PPP3CA: variants seen among roughly 807,000 people sequenced by gnomAD.
The protein encoded by PPP3CA is protein phosphatase 3 catalytic subunit alpha.
PPP3CA carries 14 observed loss-of-function variants against 66.5 expected under a neutral mutation model. The observed-to-expected ratio is 0.21, with a 90% CI of 0.14 to 0.33. The LOEUF (loss-of-function observed/expected upper bound fraction) is 0.33. Among genes scored for constraint, PPP3CA ranks in the 10% least tolerant of loss-of-function variants. The probability of loss-of-function intolerance (pLI) is 1.00; values close to 1 mark genes in which losing one functional copy is unlikely to be tolerated. For synonymous variants in PPP3CA, 232 were observed against 226.2 expected, an observed-to-expected ratio of 1.03 and a Z score of -0.23; for missense variants, 317 against 639.5, an observed-to-expected ratio of 0.50 and a Z score of 5.44.
intron 9 of PPP3CA, among the ~76,000 whole-genome samples, chr4:101,061,954 A>C (rs1171565751): frequency 6.6e-6 from 1 of 152,052 alleles, no homozygotes; most frequent in Non-Finnish European, 1.5e-5. Context: ...TGCTATTTAA[A>C]AAAATGTCCT....
intron 8 of PPP3CA, among the ~76,000 whole-genome samples, chr4:101,079,418 G>A (rs967208915): frequency 7.1e-5 from 10 of 140,524 alleles, no homozygotes; most frequent in South Asian, 4.5e-4. Flanking sequence ...TCGCTCTGTC[G>A]CCCAGGCTGG....
intron 1 of PPP3CA, among the ~76,000 whole-genome samples, chr4:101,212,240 TG>T (rs1454633073): frequency 1.3e-5 from 2 of 152,112 alleles, no homozygotes; most frequent in Non-Finnish European, 1.5e-5. Context: ...ACCATCTAAT[TG>T]GTCTAACAGG....
intron 1 of PPP3CA, among the ~76,000 whole-genome samples, chr4:101,293,252 T>G (rs2110291253): frequency 1.3e-5 from 2 of 152,294 alleles, no homozygotes; most frequent in South Asian, 4.1e-4. Context: ...TTTACCTGCT[T>G]GCTCAATCAC....
rs1355047758 is a variant in PPP3CA, at chr4:101,029,953, G to A, written c.1340-758C>T. ...TTTTTGGAAGTAAAATTCTTAAAAT[G>A]TTACAAATCAAGTGGTAACGTGCCA... On this transcript the variant is annotated intron_variant, in intron 12 of 13. Transcript: ENST00000394854. 3.9e-5 allele frequency among the ~76,000 whole-genome samples: 6 copies of A among 152,050 alleles called. No homozygotes were observed. In the East Asian group the frequency reaches 5.8e-4, roughly 15 times the overall value.
chr4:101,139,670 A>G (rs1722736457), intron 2 of PPP3CA, among the ~76,000 whole-genome samples: 1 of 150,626 alleles, frequency 6.6e-6, no homozygotes, highest in East Asian at 1.9e-4. Flanking sequence ...CTTCTACCCA[A>G]AGTGACTTTT....
chr4:101,229,288 T>C (rs1225733785), intron 1 of PPP3CA, among the ~76,000 whole-genome samples: 1 of 151,506 alleles, frequency 6.6e-6, no homozygotes, highest in Non-Finnish European at 1.5e-5. Context: ...CCTTGTGGTT[T>C]TGAATGGAAT....
intron 8 of PPP3CA, among the ~76,000 whole-genome samples, chr4:101,072,701 A>G (rs1388150171): frequency 6.6e-6 from 1 of 152,148 alleles, no homozygotes; most frequent in Non-Finnish European, 1.5e-5. Context: ...GGAAATATTT[A>G]TATTTGCTAA....
At chr4:101,317,417 C>T (rs1179439531) in intron 1 of PPP3CA, among the ~76,000 whole-genome samples, 2 of 152,110 alleles carry the variant, frequency 1.3e-5, no homozygotes, top group African/African-American at 4.8e-5. Flanking sequence ...AACGAAGTTC[C>T]TTATCTCCCC....
intron 13 of PPP3CA, 22 bp downstream of exon 13, chr4:101,029,144 G>A: frequency 6.3e-7 from 1 of 1,581,140 alleles, no homozygotes; most frequent in East Asian, 2.2e-5. Flanking sequence ...AGGTACAACA[G>A]AAAGGGGACT....
intron 3 of PPP3CA, among the ~76,000 whole-genome samples, chr4:101,108,521 T>C (rs999769021): frequency 2.6e-5 from 4 of 152,162 alleles, no homozygotes; most frequent in African/African-American, 7.2e-5. Flanking sequence ...ATCCCAACAC[T>C]TTGGCAGGCC....
chr4:101,111,020 A>T (rs1308663670), intron 2 of PPP3CA, among the ~76,000 whole-genome samples: 1 of 152,202 alleles, frequency 6.6e-6, no homozygotes, highest in Non-Finnish European at 1.5e-5. Flanking sequence ...TTTGTTACCA[A>T]ATTTTTAAAT....
intron 1 of PPP3CA, among the ~76,000 whole-genome samples, chr4:101,208,797 T>A (rs1725216395): frequency 6.6e-6 from 1 of 152,214 alleles, no homozygotes; most frequent in Non-Finnish European, 1.5e-5. Flanking sequence ...TGGAATATAA[T>A]TCAAATCAGT....
At chr4:101,258,710 C>A (rs1262137808) in intron 1 of PPP3CA, among the ~76,000 whole-genome samples, 1 of 152,032 alleles carries the variant, frequency 6.6e-6, no homozygotes, top group African/African-American at 2.4e-5. Context: ...CTTGAGACTT[C>A]CTTTGCTAAA....
intron 1 of PPP3CA, among the ~76,000 whole-genome samples, chr4:101,260,842 C>A (rs2110255468): frequency 6.6e-6 from 1 of 152,224 alleles, no homozygotes; most frequent in Admixed American, 6.5e-5. Flanking sequence ...CACCTACTTT[C>A]TGGTTACTTC....
chr4:101,231,484 T>G (rs1260110281), intron 1 of PPP3CA, among the ~76,000 whole-genome samples: 1 of 151,760 alleles, frequency 6.6e-6, no homozygotes, highest in African/African-American at 2.4e-5. Flanking sequence ...TAAGTCTCAT[T>G]TGACTTATTG....
intron 1 of PPP3CA, among the ~76,000 whole-genome samples, chr4:101,286,169 C>CCACT (rs1727842111): frequency 1.3e-5 from 2 of 152,110 alleles, no homozygotes. Context: ...GAATCAAATG[C>CCACT]CACTGCTGAT....
intron 2 of PPP3CA, among the ~76,000 whole-genome samples, chr4:101,154,331 T>C (rs1411406126): frequency 6.6e-6 from 1 of 152,164 alleles, no homozygotes; most frequent in Non-Finnish European, 1.5e-5. Flanking sequence ...CAAAGTAACA[T>C]ATCAAGTAAC....
At chr4:101,270,533 T>C (rs1382785628) in intron 1 of PPP3CA, among the ~76,000 whole-genome samples, 1 of 152,180 alleles carries the variant, frequency 6.6e-6, no homozygotes, top group Non-Finnish European at 1.5e-5. Flanking sequence ...ACCAGTTATT[T>C]GAGATGCACT....
At chr4:101,299,631 A>G (rs1728311926) in intron 1 of PPP3CA, among the ~76,000 whole-genome samples, 1 of 152,204 alleles carries the variant, frequency 6.6e-6, no homozygotes, top group Non-Finnish European at 1.5e-5. Flanking sequence ...AGAAATAAAT[A>G]TTACATACCA....
Sources: allele counts gnomAD v4.1 joint callset (sites outside exome capture counted in the v4.1 genomes callset), GRCh38; gene constraint gnomAD v4.1.1; transcripts MANE v1.5; gene names NCBI Gene and HGNC (gene_info 2026-07-23, HGNC 2026-07-21).